The following MERTK variants were observed in gnomAD, a reference collection of about 807,000 sequenced individuals.
MERTK encodes tyrosine-protein kinase Mer.
Under a neutral mutation model 99.3 loss-of-function variants are expected in MERTK, and 69 were observed. The observed-to-expected ratio is 0.70, with a 90% CI of 0.57 to 0.85. MERTK has a LOEUF of 0.85. Among genes scored for constraint, MERTK ranks in the 40% least tolerant of loss-of-function variants. The pLI, the probability that MERTK is intolerant of heterozygous loss-of-function variation, is 0.00. For synonymous variants in MERTK, 426 were observed against 467.6 expected (o/e 0.91, Z 1.15); for missense variants, 1,125 against 1,249.4 (o/e 0.90, Z 1.50).
At chr2:111,990,667 G>A (rs1455020161) in intron 8 of MERTK, among the ~76,000 whole-genome samples, 1 of 152,098 alleles carries the variant, frequency 6.6e-6, no homozygotes, top group Non-Finnish European at 1.5e-5. Flanking sequence ...TTCAGATTGT[G>A]GATTCTTTCT....
intron 8 of MERTK, among the ~76,000 whole-genome samples, chr2:111,992,801 T>A (rs1676653613): frequency 1.3e-5 from 2 of 150,578 alleles, no homozygotes; most frequent in African/African-American, 4.9e-5. Flanking sequence ...AACCAGTGAA[T>A]GTCTTTTCCT....
Position 112,010,027 on chromosome 2 carries a change from T to A in MERTK, c.2040T>A (p.His680Gln), listed in dbSNP as rs377006926. The change falls in exon 15 of 19, where the codon CAT (histidine) becomes CAA (glutamine). Residue 680 changes from histidine to glutamine, a missense_variant. His to Gln is a conservative substitution (Grantham distance 24, BLOSUM62 0). Coordinates refer to ENST00000295408, the MANE Select transcript of MERTK (RefSeq NM_006343.3). Reference protein sequence around the residue: ...ILPFMKYGDLHTYLLYSRLET... With the variant: ...ILPFMKYGDLQTYLLYSRLET... Reference sequence around the variant, plus strand: ...CCTTCATGAAATACGGGGACCTGCATACTTACTTACTTTATTCCCGATTGG... The same window carrying A: ...CCTTCATGAAATACGGGGACCTGCAAACTTACTTACTTTATTCCCGATTGG... 32 of 1,613,628 alleles carry A rather than the reference T, an allele frequency of 2.0e-5. No individual in the cohort carries two copies. The African/African-American group carries it at 3.5e-4, about 18-fold the overall frequency.
At chr2:111,914,101 C>CTTTTTTTTTTTTTTT (rs765850254) in intron 1 of MERTK, among the ~76,000 whole-genome samples, 13 of 94,440 alleles carry the variant, frequency 1.4e-4, no homozygotes, top group South Asian at 3.2e-4. Flanking sequence ...TTCTTTCTTT[C>CTTTTTTTTTTTTTTT]TTTTTTTTTT....
At position 112,003,993 on chromosome 2, in the gene MERTK, T is replaced by C. The variant is rs182472368; in HGVS notation, c.1867+9T>C. On this transcript the variant is annotated intron_variant, in intron 13 of 18. Transcript: ENST00000295408. ...AGTGAAGACCATGAAGTGTGAGTTA[T>C]CAGTGATGAATCCCATTCTTCTAGG... 1.7e-5 allele frequency: 28 copies of C among 1,606,210 alleles called. No individual in the cohort carries two copies. The African/African-American group carries it at 3.1e-4, about 18-fold the overall frequency.
intron 13 of MERTK, among the ~76,000 whole-genome samples, chr2:112,004,636 G>A (rs550889076): frequency 6.6e-6 from 1 of 152,202 alleles, no homozygotes; most frequent in Non-Finnish European, 1.5e-5. Context: ...AACCAGCCGG[G>A]CACGGTGGCT....
In MERTK at chr2:111,983,000, C is replaced by T; in HGVS notation, c.1296+7C>T. ...GCAGAGTGCAGGGATTTCCGTAAGT[C>T]TAAACCCTAGAAGAGCACGATTAGT... is the stretch of plus-strand genomic sequence containing the variant. On this transcript the variant is annotated splice_region_variant and intron_variant, in intron 8 of 18. Coordinates refer to ENST00000295408, the MANE Select transcript of MERTK (RefSeq NM_006343.3). The T allele has an allele frequency of 6.2e-7, 1 of 1,609,910 alleles. No individual in the cohort carries two copies. The highest frequency in any genetic ancestry group is 8.5e-7 in the Non-Finnish European group (1 of 1,178,618).
intron 18 of MERTK, among the ~76,000 whole-genome samples, chr2:112,026,586 AAACAGAACCCCT>A (rs1677465382): frequency 6.6e-6 from 1 of 152,194 alleles, no homozygotes; most frequent in Non-Finnish European, 1.5e-5. Context: ...CAGGGAAACA[AAACAGAACCCCT>A]AAGCCTGAGA....
chr2:111,929,041 C>A, intron 1 of MERTK, 79 bp from the exon 2 acceptor site: 1 of 1,509,378 alleles, frequency 6.6e-7, no homozygotes, highest in Non-Finnish European at 9.2e-7. Context: ...GCTCTCTCTT[C>A]TTGGCCTAAG....
intron 1 of MERTK, 98 bp from the exon 2 acceptor site, chr2:111,929,022 C>T (rs924022581): frequency 4.2e-6 from 5 of 1,202,352 alleles, no homozygotes; most frequent in Non-Finnish European, 4.9e-6. Flanking sequence ...GCACAGAGGA[C>T]ACCCCAGTGC....
intron 1 of MERTK, among the ~76,000 whole-genome samples, chr2:111,907,224 G>A (rs1684153102): frequency 6.6e-6 from 1 of 152,182 alleles, no homozygotes; most frequent in South Asian, 2.1e-4. Context: ...AGACCAGCCT[G>A]ACCAACATGG....
At chr2:112,025,305 T>A (rs1035096560) in intron 18 of MERTK, among the ~76,000 whole-genome samples, 2 of 152,086 alleles carry the variant, frequency 1.3e-5, no homozygotes, top group Non-Finnish European at 2.9e-5. Flanking sequence ...ACTCAGGGGC[T>A]CCTCTCCGGG....
chr2:111,947,197 C>T (rs1468881223), intron 3 of MERTK, among the ~76,000 whole-genome samples, 197 bp from the exon 4 acceptor site: 1 of 152,106 alleles, frequency 6.6e-6, no homozygotes, highest in Middle Eastern at 3.2e-3. Flanking sequence ...CACTTGAACC[C>T]AGGAGGTAGA....
intron 1 of MERTK, among the ~76,000 whole-genome samples, chr2:111,903,432 C>T (rs887650513): frequency 3.3e-5 from 5 of 152,152 alleles, no homozygotes; most frequent in African/African-American, 2.4e-5. Context: ...GCTGTATTAA[C>T]CCCAAACATA....
At chr2:112,020,745 G>A in intron 16 of MERTK, 1 of 466,822 alleles carries the variant, frequency 2.1e-6, no homozygotes. Flanking sequence ...AGGCTGCTGG[G>A]GTCCTGGATC....
At chr2:111,954,246 G>A (rs750485476) in intron 4 of MERTK, among the ~76,000 whole-genome samples, 1 of 152,088 alleles carries the variant, frequency 6.6e-6, no homozygotes, top group African/African-American at 2.4e-5. Context: ...TGAACTTTTC[G>A]CAGGCCCATG....
chr2:112,001,350 A>T, intron 11 of MERTK, 64 bp downstream of exon 11: 1 of 1,279,152 alleles, frequency 7.8e-7, no homozygotes, highest in Non-Finnish European at 1.1e-6. Flanking sequence ...AGAAGGATCA[A>T]TAGACAGATT....
intron 6 of MERTK, among the ~76,000 whole-genome samples, chr2:111,968,813 G>T (rs1313108294): frequency 1.3e-5 from 2 of 151,934 alleles, no homozygotes; most frequent in Non-Finnish European, 2.9e-5. Context: ...ACAGGCGTGA[G>T]CCACCACGCC....
intron 6 of MERTK, among the ~76,000 whole-genome samples, chr2:111,968,566 G>A (rs571048814): frequency 6.6e-6 from 1 of 151,542 alleles, no homozygotes; most frequent in Non-Finnish European, 1.5e-5. Flanking sequence ...TGTTGCCCAG[G>A]CTGGATGCCC....
chr2:111,962,957 AG>A (rs2104719830), intron 4 of MERTK, among the ~76,000 whole-genome samples: 2 of 152,250 alleles, frequency 1.3e-5, no homozygotes, highest in East Asian at 3.9e-4. Flanking sequence ...AAGGTGGCCC[AG>A]GGGACCAGTG....
Sources: gnomAD v4.1 joint callset for allele counts (sites outside exome capture counted in the v4.1 genomes callset) on GRCh38, gnomAD v4.1.1 for gene constraint, MANE v1.5 for transcripts, NCBI Gene and HGNC (gene_info 2026-07-23, HGNC 2026-07-21) for gene names.